CAPN12: variants seen among roughly 807,000 people sequenced by gnomAD.
The protein encoded by CAPN12 is calpain-12.
Under a neutral mutation model 95.0 loss-of-function variants are expected in CAPN12, and 107 were observed. The observed-to-expected ratio is 1.13, with a 90% CI of 0.96 to 1.32. CAPN12 has a LOEUF of 1.32. Ranked by LOEUF, CAPN12 falls within the 40% of genes most tolerant of loss-of-function variation. The pLI is 0.00. For missense variants in CAPN12, 1,136 were observed against 997.8 expected (o/e 1.14, Z -1.87); for synonymous variants, 505 against 415.5 (o/e 1.22, Z -2.62).
rs757476845 is a variant in CAPN12, at chr19:38,737,564, G to A, written c.1040C>T (p.Pro347Leu). 3 of 1,612,414 alleles carry A rather than the reference G, an allele frequency of 1.9e-6. No homozygotes were observed. The highest frequency in any genetic ancestry group is 2.5e-6 in the Non-Finnish European group (3 of 1,179,842). ...ICSLSPEVLG[P>L]SPEGGGWHVH... The stretch of plus-strand genomic sequence containing the variant: ...GTGCCAGCCGCCCCCCTCCGGGCTG[G>A]GGCCCAGCACCTCCGGGCTCAGCGA... Residue 347 changes from proline (P) to leucine (L), a missense_variant, in exon 9 of 21, where the codon CCC becomes CTC. By Grantham distance (98) the Pro-to-Leu change is moderately conservative. Transcript: ENST00000328867.
At chr19:38,733,854 G>C in intron 17 of CAPN12, 73 bp from the exon 18 acceptor site, 2 of 1,292,614 alleles carry the variant, frequency 1.5e-6, no homozygotes, top group Middle Eastern at 1.8e-4. Context: ...TCCCAGGCAA[G>C]ACAGCCTGGT....
At position 38,733,757 on chromosome 19, in the gene CAPN12, C is replaced by T. The variant is rs1180703083; in HGVS notation, c.1903G>A (p.Asp635Asn). The T allele has an allele frequency of 1.2e-6, 2 of 1,613,438 alleles. No homozygotes were observed. The highest frequency in any genetic ancestry group is 1.7e-5 in the Admixed American group (1 of 59,980). The change falls in exon 18 of 21, where the codon GAC becomes AAC. Residue 635 changes from aspartate to asparagine, a missense_variant. Transcript: ENST00000328867. ...WQAIFNKFDE[D>N]TSGTMNSYEL... is the part of the protein sequence containing the mutation. ...TAGGAGTTCATGGTTCCAGAGGTGT[C>T]CTCATCGAACTTGTTAAATATGGCC...
intron 18 of CAPN12, 50 bp downstream of exon 18, chr19:38,733,653 G>A (rs200367918): frequency 1.0e-4 from 151 of 1,505,192 alleles, no homozygotes; most frequent in Non-Finnish European, 1.1e-4. Context: ...ACAATGGGAT[G>A]GGAGAGAACA....
rs1347641160 is a variant in CAPN12, at chr19:38,740,105, G to C, written c.675C>G (p.Phe225Leu). The C allele has an allele frequency of 6.2e-7, 1 of 1,613,582 alleles. No individual in the cohort carries two copies. The highest frequency in any genetic ancestry group is 1.1e-5 in the South Asian group (1 of 91,034). Residue 225 changes from phenylalanine (F) to leucine (L), a missense_variant, in exon 5 of 21, where the codon TTC becomes TTG. Coordinates refer to ENST00000328867, the MANE Select transcript of CAPN12 (RefSeq NM_144691.4). ...TGGCCAGGGCATGGCGCAGGGCAGA[G>C]AACAGCCCCATGCTGTTTTGTCTCA... ...LYLRQNSMGL[F>L]SALRHALAKE...
At position 38,737,522 on chromosome 19, in the gene CAPN12, C is replaced by A; in HGVS notation, c.1082G>T (p.Gly361Val). The change falls in exon 9 of 21, where the codon GGC becomes GTC. Residue 361 changes from glycine to valine, a missense_variant. Physicochemically the swap from Gly to Val is moderately radical, Grantham distance 109. Coordinates refer to ENST00000328867, the MANE Select transcript of CAPN12 (RefSeq NM_144691.4). The stretch of plus-strand genomic sequence containing the variant: ...GGAGTTGAAGCCACGCACCCAGCGG[C>A]CTTGGAAGGTGTGGACGTGCCAGCC... The part of the protein sequence containing the change: ...GGGWHVHTFQ[G>V]RWVRGFNSGG... 2 of 1,612,646 alleles carry A rather than the reference C, an allele frequency of 1.2e-6. No homozygotes were observed. The highest frequency in any genetic ancestry group is 2.2e-5 in the South Asian group (2 of 91,068).
rs1361780436 is a variant in CAPN12, at chr19:38,735,416, G to T, written c.1640C>A (p.Pro547His). The change falls in exon 14 of 21, where the codon CCC becomes CAC. Residue 547 changes from proline (P) to histidine (H), a missense_variant. Coordinates refer to ENST00000328867, the MANE Select transcript of CAPN12 (RefSeq NM_144691.4). ...DLQSLQGPYL[P>H]LELGLEQLFQ... ...CAGCTGCTCCAACCCCAGCTCCAGG[G>T]GCAGGTAGGGGCCCTGCCGCATGGC... The T allele has an allele frequency of 3.1e-6, 5 of 1,609,744 alleles. No homozygotes were observed. The highest frequency in any genetic ancestry group is 1.7e-5 in the Admixed American group (1 of 59,782).
In CAPN12 at chr19:38,735,428, C is replaced by G. The variant is rs766899378; in HGVS notation, c.1628G>C (p.Gly543Ala). 6.2e-7 allele frequency: 1 copy of G among 1,610,902 alleles called. No homozygotes were observed. The highest frequency in any genetic ancestry group is 1.1e-5 in the South Asian group (1 of 90,912). Residue 543 changes from glycine (G) to alanine (A), a missense_variant and splice_region_variant, in exon 14 of 21, where the codon GGC becomes GCC. Transcript: ENST00000328867. ...VISADLQSLQ[G>A]PYLPLELGLE... is the part of the protein sequence containing the mutation. ...CCCCAGCTCCAGGGGCAGGTAGGGG[C>G]CCTGCCGCATGGCGGAAGTTTAGCG...
At chr19:38,734,661 C>G in intron 15 of CAPN12, 152 bp downstream of exon 15, 1 of 710,374 alleles carries the variant, frequency 1.4e-6, no homozygotes, top group Non-Finnish European at 2.3e-6. Flanking sequence ...CACACAAGAT[C>G]CCCTGCAGGG....
At chr19:38,737,705 A>G in intron 8 of CAPN12, 67 bp from the exon 9 acceptor site, 2 of 1,453,934 alleles carry the variant, frequency 1.4e-6, no homozygotes, top group Non-Finnish European at 1.8e-6. Flanking sequence ...CCCGGAAATG[A>G]CTCCCAGATC....
chr19:38,731,150 G>A lies in CAPN12; in HGVS notation c.2031C>T (p.Phe677=), dbSNP rs530113729. The A allele has an allele frequency of 5.1e-5, 82 of 1,613,146 alleles. No homozygotes were observed. Among genetic ancestry groups the A allele is most frequent in the Admixed American group, 1.0e-4 (6 of 60,000 alleles). ...RYRDSRLRVD[F]ERFVSCVAHL... The stretch of plus-strand genomic sequence containing the variant: ...GGGCCACACAGGACACGAACCGCTC[G>A]AAGTCCACACGCAGACGGCTATCCC... Residue 677 remains phenylalanine (F), a synonymous_variant, in exon 19 of 21, where the codon TTC becomes TTT. Transcript: ENST00000328867.
rs534576632 is a variant in CAPN12, at chr19:38,735,364, C to T, written c.1686+6G>A. 1.5e-5 allele frequency: 23 copies of T among 1,585,226 alleles called. No individual in the cohort carries two copies. Among genetic ancestry groups the T allele is most frequent in the Middle Eastern group, 3.4e-4 (2 of 5,910 alleles). On this transcript the variant is annotated splice_donor_region_variant and intron_variant, in intron 14 of 20. Coordinates refer to ENST00000328867, the MANE Select transcript of CAPN12 (RefSeq NM_144691.4). ...GATACCCCCTCAGTCCAATCCCCCTCCTCACCTCTCCAGCCAGCTCCTGAA... is the reference window on the plus strand; with the variant it reads ...GATACCCCCTCAGTCCAATCCCCCTTCTCACCTCTCCAGCCAGCTCCTGAA...
intron 10 of CAPN12, chr19:38,736,910 CTACT>C: frequency 2.4e-5 from 10 of 414,150 alleles, no homozygotes; most frequent in South Asian, 8.4e-5. Flanking sequence ...CCCCCCAGCC[CTACT>C]AGCCCCCTAC....
intron 17 of CAPN12, 41 bp downstream of exon 17, chr19:38,734,101 G>A (rs1276777998): frequency 4.4e-6 from 7 of 1,607,558 alleles, no homozygotes; most frequent in Admixed American, 1.7e-5. Context: ...GTTAGTAAAG[G>A]TTTCTCTCTT....
intron 7 of CAPN12, 29 bp from the exon 8 acceptor site, chr19:38,738,376 C>T (rs1011133418): frequency 6.2e-7 from 1 of 1,611,252 alleles, no homozygotes. Flanking sequence ...GAGGGGCGGG[C>T]AGGTGGGGTC....
intron 14 of CAPN12, 109 bp downstream of exon 14, chr19:38,735,240 CAGGAGATTTAAGCCCGGAGGG>C (rs1969936161): frequency 1.1e-6 from 1 of 890,338 alleles, no homozygotes; most frequent in African/African-American, 1.7e-5. Context: ...AAGAAAAGGT[CAGGAGATTTAAGCCCGGAGGG>C]AGGAAAAAGC....
At position 38,737,277 on chromosome 19, in the gene CAPN12, C is replaced by CG; in HGVS notation, c.1240_1241insC (p.Gly414AlafsTer101). The CG allele has an allele frequency of 1.4e-6, 1 of 701,640 alleles. No homozygotes were observed. The highest frequency in any genetic ancestry group is 2.3e-6 in the Non-Finnish European group (1 of 439,658). 43.5% of individuals were successfully genotyped at this position (701,640 alleles called of 1,614,324 possible). On this transcript the variant is annotated frameshift_variant, in exon 10 of 21. Coordinates refer to ENST00000328867, the MANE Select transcript of CAPN12 (RefSeq NM_144691.4). LOFTEE classifies it high-confidence loss of function. ...GGGCGTGCGGCCCCCCCGCGCTGGG[C>CG]CCCGTGCCCCTGCAGCCCCCCAGCC...
intron 2 of CAPN12, 45 bp from the exon 3 acceptor site, chr19:38,742,573 C>T: frequency 7.1e-7 from 1 of 1,401,688 alleles, no homozygotes; most frequent in Non-Finnish European, 9.9e-7. Flanking sequence ...AGGAGGGAGG[C>T]CTGGTGCGGT....
chr19:38,736,654 T>C (rs1187028063), intron 10 of CAPN12, 91 bp from the exon 11 acceptor site: 4 of 1,327,828 alleles, frequency 3.0e-6, no homozygotes, highest in Admixed American at 5.0e-5. Flanking sequence ...CTCTGTGCTC[T>C]CTCCCTCCTT....
chr19:38,731,927 C>G (rs1471558835), intron 18 of CAPN12, among the ~76,000 whole-genome samples: 2 of 152,384 alleles, frequency 1.3e-5, no homozygotes, highest in East Asian at 1.9e-4. Flanking sequence ...GCAGCCTCTT[C>G]CTGCCCGTGT....
Sources: gnomAD v4.1 joint callset for allele counts (sites outside exome capture counted in the v4.1 genomes callset) on GRCh38, gnomAD v4.1.1 for gene constraint, MANE v1.5 for transcripts, NCBI Gene and HGNC (gene_info 2026-07-23, HGNC 2026-07-21) for gene names.